Variants in DOCK8 observed in about 807,000 individuals in gnomAD.
The protein encoded by DOCK8 is dedicator of cytokinesis 8, also known as dedicator of cytokinesis protein 8.
In DOCK8, 141 loss-of-function variants were observed where a neutral mutation model predicts 245.6. The observed-to-expected ratio is 0.57, with a 90% CI of 0.50 to 0.66. The LOEUF (loss-of-function observed/expected upper bound fraction) is 0.66. Among genes scored for constraint, DOCK8 ranks in the 30% least tolerant of loss-of-function variants. The pLI is 0.00. For missense variants in DOCK8, 2,965 were observed against 2,603.4 expected (o/e 1.14, Z -3.02); for synonymous variants, 1,168 against 970.2 (o/e 1.20, Z -3.79).
At chr9:375,842 GA>G (rs2053491544) in intron 18 of DOCK8, among the ~76,000 whole-genome samples, 1 of 152,080 alleles carries the variant, frequency 6.6e-6, no homozygotes, top group South Asian at 2.1e-4. Context: ...ACAAAAAATA[GA>G]AAAATTAGTT....
At chr9:418,331 G>T (rs944125501) in intron 30 of DOCK8, 124 bp downstream of exon 30, 3 of 1,338,222 alleles carry the variant, frequency 2.2e-6, no homozygotes, top group Non-Finnish European at 2.1e-6. Context: ...GAGTGCAGTG[G>T]CGCAATCTCA....
At position 446,499 on chromosome 9, in the gene DOCK8, C is replaced by A; in HGVS notation, c.5710C>A (p.Arg1904=). The change falls in exon 44 of 48, where the codon CGG becomes AGG. Residue 1904 remains arginine, a synonymous_variant. Transcript: ENST00000432829. Reference sequence around the variant, plus strand: ...CACCACCCCGTTCACCCTGGAGGGGCGGCCTCGGGGAGAGCTGCATGAGCA... The same window carrying A: ...CACCACCCCGTTCACCCTGGAGGGGAGGCCTCGGGGAGAGCTGCATGAGCA... ...MYTTPFTLEG[R]PRGELHEQYR... 1 of 1,614,222 alleles carries A rather than the reference C, an allele frequency of 6.2e-7. No homozygotes were observed. Among genetic ancestry groups the A allele is most frequent in the African/African-American group, 1.3e-5 (1 of 75,072 alleles).
intron 24 of DOCK8, among the ~76,000 whole-genome samples, chr9:392,656 C>T (rs1228063535): frequency 1.3e-5 from 2 of 151,626 alleles, no homozygotes; most frequent in Non-Finnish European, 1.5e-5. Flanking sequence ...CAGACAACAC[C>T]AGAATTTTTT....
chr9:334,784 A>G (rs2051230981), intron 11 of DOCK8, among the ~76,000 whole-genome samples: 1 of 152,084 alleles, frequency 6.6e-6, no homozygotes, highest in Non-Finnish European at 1.5e-5. Context: ...GGCTTCAAAA[A>G]GCAAAACTCA....
chr9:254,930 C>G (rs1020443829), intron 1 of DOCK8, among the ~76,000 whole-genome samples: 3 of 152,140 alleles, frequency 2.0e-5, no homozygotes, highest in African/African-American at 4.8e-5. Context: ...GAGGGTGGCG[C>G]TCAGAAATCT....
chr9:408,874 A>ACG (rs1564027612), intron 28 of DOCK8, among the ~76,000 whole-genome samples: 2 of 62,954 alleles, frequency 3.2e-5, no homozygotes, highest in African/African-American at 5.4e-5. Flanking sequence ...ACACACACAC[A>ACG]CACACACACA....
chr9:286,174 G>T (rs1255381489), intron 2 of DOCK8, among the ~76,000 whole-genome samples: 1 of 152,058 alleles, frequency 6.6e-6, no homozygotes, highest in Non-Finnish European at 1.5e-5. Context: ...ATCTCATTTT[G>T]GATCTCCTCA....
rs548229198 is a variant in DOCK8 at position 370,096 on chromosome 9, C to A, written c.1798-134C>A. ...GAGATTACAGGTGTGAGCCACTGCT[C>A]CTGGCCAACCCAGCACTCTTAATTG... On this transcript the variant is annotated intron_variant, in intron 15 of 47. Transcript: ENST00000432829. 59 of 790,218 alleles carry A rather than the reference C, an allele frequency of 7.5e-5. No homozygotes were observed. The African/African-American group carries it at 8.0e-4, about 11-fold the overall frequency. The allele number at this position is 790,218 out of a possible 1,614,324, so 49.0% of individuals were successfully genotyped here.
At position 214,919 on chromosome 9, in the gene DOCK8, C is replaced by G; in HGVS notation, c.-58C>G. 1 of 1,604,368 alleles carries G rather than the reference C, an allele frequency of 6.2e-7. No individual in the cohort carries two copies. Among genetic ancestry groups the G allele is most frequent in the Non-Finnish European group, 8.5e-7 (1 of 1,177,164 alleles). On this transcript the variant is annotated 5_prime_UTR_variant, in exon 1 of 48. Coordinates refer to ENST00000432829, the MANE Select transcript of DOCK8 (RefSeq NM_203447.4). ...TGTTCCGCGGCTACTCTGCGGCGCG[C>G]CAGGCCCCCGCTTTCCGCACCCCGC...
At chr9:402,280 T>G (rs1259633365) in intron 26 of DOCK8, among the ~76,000 whole-genome samples, 1 of 152,232 alleles carries the variant, frequency 6.6e-6, no homozygotes, top group Non-Finnish European at 1.5e-5. Context: ...CATTTCTTTT[T>G]TTGTTTCTCT....
At chr9:434,715 A>G in intron 38 of DOCK8, 68 bp from the exon 39 acceptor site, 3 of 1,552,330 alleles carry the variant, frequency 1.9e-6, no homozygotes, top group Non-Finnish European at 2.6e-6. Context: ...AAAAGGTCAC[A>G]CAAAGTAGAA....
chr9:394,973 G>A (rs777663139), intron 24 of DOCK8, among the ~76,000 whole-genome samples: 3 of 152,216 alleles, frequency 2.0e-5, no homozygotes, highest in Admixed American at 6.5e-5. Flanking sequence ...AAATACAGCA[G>A]TGAGTTCTGA....
intron 20 of DOCK8, among the ~76,000 whole-genome samples, chr9:379,456 C>T (rs536775583): frequency 7.2e-5 from 11 of 152,168 alleles, no homozygotes; most frequent in South Asian, 2.1e-4. Context: ...CGTGTGTGTC[C>T]GCAGCCCCCA....
At chr9:382,776 G>C in intron 22 of DOCK8, 91 bp downstream of exon 22, 12 of 1,504,830 alleles carry the variant, frequency 8.0e-6, no homozygotes, top group Non-Finnish European at 1.1e-5. Flanking sequence ...AACCACTACT[G>C]CTGCCCACCA....
At chr9:284,023 G>A (rs1298638042) in intron 2 of DOCK8, among the ~76,000 whole-genome samples, 4 of 152,158 alleles carry the variant, frequency 2.6e-5, no homozygotes, top group Non-Finnish European at 4.4e-5. Flanking sequence ...ACATAGTAAT[G>A]CTCAATAATT....
chr9:403,407 C>T (rs2055205494), intron 26 of DOCK8, among the ~76,000 whole-genome samples: 1 of 152,110 alleles, frequency 6.6e-6, no homozygotes, highest in Non-Finnish European at 1.5e-5. Flanking sequence ...GAGTGCACAT[C>T]GAAAGGTTAT....
chr9:343,967 A>G (rs928682832), intron 14 of DOCK8, among the ~76,000 whole-genome samples: 1 of 152,222 alleles, frequency 6.6e-6, no homozygotes, highest in African/African-American at 2.4e-5. Context: ...CTTAGAGTGC[A>G]TTAGTGCACT....
chr9:336,746 G>A (rs755667124), intron 12 of DOCK8, 28 bp downstream of exon 12: 6 of 1,613,556 alleles, frequency 3.7e-6, no homozygotes, highest in South Asian at 2.2e-5. Context: ...AGTGTGTCTG[G>A]ATTTTTCCCC....
At chr9:322,382 G>C (rs1001618712) in intron 7 of DOCK8, among the ~76,000 whole-genome samples, 2 of 119,052 alleles carry the variant, frequency 1.7e-5, no homozygotes, top group African/African-American at 3.2e-5. Flanking sequence ...CAGGTTCTGT[G>C]ATCAGAGATG....
Sources: gnomAD v4.1 joint callset for allele counts (sites outside exome capture counted in the v4.1 genomes callset) on GRCh38, gnomAD v4.1.1 for gene constraint, MANE v1.5 for transcripts, NCBI Gene and HGNC (gene_info 2026-07-23, HGNC 2026-07-21) for gene names.